ADCY7: variants seen among roughly 807,000 people sequenced by gnomAD.
ADCY7 encodes the protein adenylate cyclase type 7.
Under a neutral mutation model 120.6 loss-of-function variants are expected in ADCY7, and 72 were observed. The ratio of observed to expected loss-of-function variants is 0.60; its 90% CI spans 0.49 to 0.73. The LOEUF is 0.73. ADCY7 is among the 30% of genes least tolerant of loss of function. ADCY7 has a pLI of 0.00. For synonymous variants in ADCY7, 661 were observed against 628.0 expected (o/e 1.05, Z -0.78); for missense variants, 1,227 against 1,486.0 (o/e 0.83, Z 2.87).
chr16:50,313,063 A>T, intron 22 of ADCY7, 27 bp downstream of exon 22: 1 of 1,612,926 alleles, frequency 6.2e-7, no homozygotes, highest in Non-Finnish European at 8.5e-7. Flanking sequence ...AGCCTTGCGC[A>T]GCAGCCCCCA....
chr16:50,257,418 A>G (rs2032946678), intron 1 of ADCY7, among the ~76,000 whole-genome samples: 1 of 152,212 alleles, frequency 6.6e-6, no homozygotes, highest in Admixed American at 6.5e-5. Flanking sequence ...CATGGTGACT[A>G]TAGTTAATGT....
At chr16:50,295,202 G>T (rs965602631) in intron 7 of ADCY7, among the ~76,000 whole-genome samples, 2 of 152,106 alleles carry the variant, frequency 1.3e-5, no homozygotes, top group South Asian at 4.2e-4. Context: ...TTTGTGAGAT[G>T]GAGTCTCATT....
At chr16:50,247,164 G>A (rs2032615409) in intron 1 of ADCY7, among the ~76,000 whole-genome samples, 1 of 152,210 alleles carries the variant, frequency 6.6e-6, no homozygotes, top group African/African-American at 2.4e-5. Context: ...GAGAGGAGGG[G>A]GTTCTCAGGT....
intron 1 of ADCY7, among the ~76,000 whole-genome samples, chr16:50,286,420 A>AC (rs1364106642): frequency 1.0e-5 from 1 of 99,106 alleles, no homozygotes; most frequent in African/African-American, 3.8e-5. Flanking sequence ...ACAGAGTGAG[A>AC]CCCCATCTCA....
intron 18 of ADCY7, 72 bp from the exon 19 acceptor site, chr16:50,310,614 TG>T (rs1368361283): frequency 6.2e-7 from 1 of 1,603,600 alleles, no homozygotes; most frequent in Admixed American, 1.7e-5. Flanking sequence ...TGGGGCTCTG[TG>T]GTATGTGCTG....
At chr16:50,305,995 G>C in intron 14 of ADCY7, 146 bp downstream of exon 14, 1 of 756,496 alleles carries the variant, frequency 1.3e-6, no homozygotes. Flanking sequence ...CCTGGGCGGG[G>C]GGCAGGGGCG....
upstream of ADCY7, among the ~76,000 whole-genome samples, chr16:50,262,426 T>C (rs906522884): frequency 3.3e-5 from 5 of 151,926 alleles, no homozygotes; most frequent in Non-Finnish European, 4.4e-5. Context: ...CTGGCTAATT[T>C]TTGTATTCCT....
In ADCY7 at chr16:50,294,625, C is replaced by CA; in HGVS notation, c.837-15_837-14insA. ...CCTGGCTCTGACACTCCCTCCCACC[C>CA]TGCCCCATCCCCAGCATCCTCTATG... On this transcript the variant is annotated splice_polypyrimidine_tract_variant and intron_variant, in intron 6 of 25. Transcript: ENST00000673801. The CA allele has an allele frequency of 2.7e-6, 4 of 1,461,638 alleles. No individual in the cohort carries two copies. Among genetic ancestry groups the CA allele is most frequent in the Non-Finnish European group, 2.9e-6 (3 of 1,048,806 alleles). 90.5% of individuals were successfully genotyped at this position (1,461,638 alleles called of 1,614,324 possible). A position where few individuals can be genotyped will look rare whatever the true frequency, so the allele number is the denominator to read the frequency against.
intron 1 of ADCY7, among the ~76,000 whole-genome samples, chr16:50,281,876 C>A (rs552680267): frequency 5.9e-5 from 9 of 152,164 alleles, no homozygotes; most frequent in Non-Finnish European, 1.2e-4. Context: ...AGAGAGTTCG[C>A]GTTAATATGA....
Position 50,294,755 on chromosome 16 carries a change from A to G in ADCY7, c.948+4A>G. 1 of 1,609,682 alleles carries G rather than the reference A, an allele frequency of 6.2e-7. No homozygotes were observed. The highest frequency in any genetic ancestry group is 1.7e-5 in the Admixed American group (1 of 59,748). On this transcript the variant is annotated splice_donor_region_variant and intron_variant, in intron 7 of 25. Transcript: ENST00000673801. ...CAAGTTCGACCAGATCGCCAAGGTG[A>G]GCCCGCTGGCCTACAATGGGCAAAG...
intron 24 of ADCY7, 44 bp downstream of exon 24, chr16:50,314,450 G>A (rs1567586166): frequency 6.7e-7 from 1 of 1,488,726 alleles, no homozygotes; most frequent in African/African-American, 1.4e-5. Context: ...CCTGCCTCTA[G>A]GCCAGTCCAC....
Position 50,310,691 on chromosome 16 carries a change from AC to A in ADCY7, c.2166del (p.Tyr722Ter). 1 of 1,613,700 alleles carries A rather than the reference AC, an allele frequency of 6.2e-7. No homozygotes were observed. Among genetic ancestry groups the A allele is most frequent in the Non-Finnish European group, 8.5e-7 (1 of 1,179,822 alleles). ...AGTGACACCCTGCCCCCTCAGTACT[AC>A]ACCTGCAGCTGTGTCCTGGGCTTCA... ...TRALCEPLPYYTCSCVLGFIA... is the reference protein window; with the variant it reads ...TRALCEPLPYXTCSCVLGFIA... On this transcript the variant is annotated frameshift_variant, in exon 19 of 26. Transcript: ENST00000673801. LOFTEE classifies it high-confidence loss of function.
At position 50,304,407 on chromosome 16, in the gene ADCY7, G is replaced by C; in HGVS notation, c.1416G>C (p.Gly472=). The change falls in exon 11 of 26, where the codon GGG becomes GGC. Residue 472 remains glycine (G), a synonymous_variant. Transcript: ENST00000673801. The part of the protein sequence containing the change: ...PPSQHLPRPK[G]DAALKMRASV... Reference sequence around the variant, plus strand: ...GCCAACACCTCCCCAGGCCCAAGGGGGACGCGGCCCTGAAGATGCGGGCGT... The same window carrying C: ...GCCAACACCTCCCCAGGCCCAAGGGCGACGCGGCCCTGAAGATGCGGGCGT... 6.3e-7 allele frequency: 1 copy of C among 1,591,646 alleles called. No homozygotes were observed. The highest frequency in any genetic ancestry group is 8.6e-7 in the Non-Finnish European group (1 of 1,168,322).
At chr16:50,314,703 C>G (rs550623071) in intron 24 of ADCY7, 1 of 448,002 alleles carries the variant, frequency 2.2e-6, no homozygotes, top group South Asian at 3.8e-5. Flanking sequence ...TAAATAGTTG[C>G]GGGCCTGCGC....
At chr16:50,258,831 C>G (rs1030328165) in intron 1 of ADCY7, among the ~76,000 whole-genome samples, 1 of 152,044 alleles carries the variant, frequency 6.6e-6, no homozygotes, top group African/African-American at 2.4e-5. Context: ...AAGCGATCCT[C>G]CTGATCTCCC....
At chr16:50,263,668 A>G (rs2033117123), upstream of ADCY7, among the ~76,000 whole-genome samples, 1 of 151,666 alleles carries the variant, frequency 6.6e-6, no homozygotes, top group East Asian at 1.9e-4. Flanking sequence ...AGGCATCTAC[A>G]TGTGTCCTCT....
intron 14 of ADCY7, among the ~76,000 whole-genome samples, chr16:50,306,135 C>T (rs1040746526): frequency 6.6e-6 from 1 of 152,244 alleles, no homozygotes; most frequent in Admixed American, 6.5e-5. Flanking sequence ...TTAGCAGATC[C>T]TGGCATGGAT....
At position 50,315,427 on chromosome 16, in the gene ADCY7, CGTCAAA is replaced by C; in HGVS notation, c.3167_3172del (p.Val1056_Lys1057del). ...CTTGTGAATGCCGTGGCCTGATCAACGTCAAAGGCAAAGGCGAGCTGAGGACTTACT... is the reference window on the plus strand; with the variant it reads ...CTTGTGAATGCCGTGGCCTGATCAACGGCAAAGGCGAGCTGAGGACTTACT... On this transcript the variant is annotated inframe_deletion, in exon 26 of 26. Coordinates refer to ENST00000673801, the MANE Select transcript of ADCY7 (RefSeq NM_001114.5). The C allele has an allele frequency of 6.2e-7, 1 of 1,614,156 alleles. No individual in the cohort carries two copies.
At chr16:50,252,350 G>T (rs528480688) in intron 1 of ADCY7, among the ~76,000 whole-genome samples, 5 of 152,200 alleles carry the variant, frequency 3.3e-5, no homozygotes, top group Non-Finnish European at 5.9e-5. Context: ...CTGGTCCCCC[G>T]CCAGCCTGGC....
Sources: gnomAD v4.1 joint callset for allele counts (sites outside exome capture counted in the v4.1 genomes callset) on GRCh38, gnomAD v4.1.1 for gene constraint, MANE v1.5 for transcripts, NCBI Gene and HGNC (gene_info 2026-07-23, HGNC 2026-07-21) for gene names.